Variants in TMEM232 observed in about 807,000 individuals in gnomAD.
The protein encoded by TMEM232 is transmembrane protein 232.
A neutral mutation model predicts 78.8 loss-of-function variants in TMEM232; 80 were observed. The observed-to-expected ratio is 1.01, with a 90% CI of 0.85 to 1.22. TMEM232 has a LOEUF of 1.22. TMEM232 is among the 50% of genes most tolerant of loss of function. The pLI is 0.00. For synonymous variants in TMEM232, 297 were observed against 254.3 expected (o/e 1.17, Z -1.60); for missense variants, 881 against 742.2 (o/e 1.19, Z -2.17).
intron 1 of TMEM232, among the ~76,000 whole-genome samples, chr5:110,682,628 G>C (rs1792893517): frequency 6.6e-6 from 1 of 152,070 alleles, no homozygotes; most frequent in Non-Finnish European, 1.5e-5. Flanking sequence ...AATTATATCA[G>C]ATATGGTTTT....
chr5:110,648,782 G>A (rs534839466), intron 2 of TMEM232, among the ~76,000 whole-genome samples: 3 of 152,146 alleles, frequency 2.0e-5, no homozygotes, highest in East Asian at 3.9e-4. Flanking sequence ...TCTCCTAAAC[G>A]CATGTTCTTT....
chr5:110,704,457 C>A (rs1386937626), intron 1 of TMEM232, among the ~76,000 whole-genome samples: 1 of 152,076 alleles, frequency 6.6e-6, no homozygotes, highest in African/African-American at 2.4e-5. Context: ...ACAGCATTTT[C>A]CAAAATACTG....
chr5:110,631,105 C>G (rs1580429804), intron 5 of TMEM232, among the ~76,000 whole-genome samples: 1 of 152,108 alleles, frequency 6.6e-6, no homozygotes, highest in Non-Finnish European at 1.5e-5. Flanking sequence ...CTGACATTCC[C>G]CAGTGTCTAC....
At chr5:110,588,563 A>G (rs116118226) in intron 10 of TMEM232, among the ~76,000 whole-genome samples, 87 of 152,280 alleles carry the variant, frequency 5.7e-4, no homozygotes, top group Admixed American at 1.6e-3. Context: ...AGGGAAACCA[A>G]TGCAATTATC....
intron 11 of TMEM232, among the ~76,000 whole-genome samples, chr5:110,557,332 T>C (rs1398499599): frequency 1.3e-5 from 2 of 150,460 alleles, no homozygotes; most frequent in Non-Finnish European, 3.0e-5. Flanking sequence ...CTGAATCTTA[T>C]TGATCTCCTT....
At chr5:110,710,818 G>A (rs1055834158) in intron 1 of TMEM232, among the ~76,000 whole-genome samples, 3 of 152,148 alleles carry the variant, frequency 2.0e-5, no homozygotes, top group African/African-American at 7.2e-5. Flanking sequence ...ACTGAATGGG[G>A]AAAAATGGAA....
At chr5:110,677,241 ATT>A (rs78213327) in intron 1 of TMEM232, among the ~76,000 whole-genome samples, 1 of 147,566 alleles carries the variant, frequency 6.8e-6, no homozygotes, top group East Asian at 2.0e-4. Context: ...TAATTGTCTA[ATT>A]TTTTTTTTCT....
At chr5:110,625,594 G>A in intron 6 of TMEM232, 161 bp from the exon 7 acceptor site, 1 of 512,270 alleles carries the variant, frequency 2.0e-6, no homozygotes, top group Non-Finnish European at 3.1e-6. Context: ...CCCCCTGGTG[G>A]TATAATAGAA....
intron 10 of TMEM232, among the ~76,000 whole-genome samples, chr5:110,604,570 G>C (rs1054823391): frequency 6.6e-6 from 1 of 152,048 alleles, no homozygotes; most frequent in East Asian, 1.9e-4. Flanking sequence ...CACCACCCAG[G>C]TTTGCCTAAA....
At chr5:110,666,049 A>G (rs1434973300) in intron 2 of TMEM232, among the ~76,000 whole-genome samples, 1 of 152,160 alleles carries the variant, frequency 6.6e-6, no homozygotes, top group African/African-American at 2.4e-5. Flanking sequence ...TAATCACGCC[A>G]CTGCACTCCA....
intron 1 of TMEM232, among the ~76,000 whole-genome samples, chr5:110,723,076 G>C (rs1272854692): frequency 6.6e-6 from 1 of 152,138 alleles, no homozygotes; most frequent in African/African-American, 2.4e-5. Context: ...GAAACTTGCA[G>C]ATAATTGATA....
At chr5:110,472,633 A>G (rs550871066) in intron 12 of TMEM232, among the ~76,000 whole-genome samples, 5 of 151,936 alleles carry the variant, frequency 3.3e-5, no homozygotes, top group South Asian at 4.1e-4. Flanking sequence ...AATAAACACA[A>G]CAACACAGCT....
chr5:110,700,794 A>ATAGG (rs1795349885), intron 1 of TMEM232, among the ~76,000 whole-genome samples: 1 of 143,388 alleles, frequency 7.0e-6, no homozygotes, highest in South Asian at 2.2e-4. Context: ...AGGTAGATAG[A>ATAGG]TAGATAGATA....
chr5:110,732,657 C>T (rs893869910), intron 2 of TMEM232, among the ~76,000 whole-genome samples: 1 of 152,194 alleles, frequency 6.6e-6, no homozygotes, highest in African/African-American at 2.4e-5. Context: ...CCCCCTGGGT[C>T]CCTCCCACAA....
chr5:110,532,815 C>T (rs1005444448), intron 11 of TMEM232, among the ~76,000 whole-genome samples: 4 of 152,184 alleles, frequency 2.6e-5, no homozygotes, highest in Admixed American at 6.5e-5. Flanking sequence ...ACCCTTACCC[C>T]GCTCAATGCC....
At chr5:110,408,545 C>T (rs532974343) in intron 2 of TMEM232, among the ~76,000 whole-genome samples, 4 of 151,846 alleles carry the variant, frequency 2.6e-5, no homozygotes, top group Non-Finnish European at 5.9e-5. Flanking sequence ...TGAGCCGAGG[C>T]TGTGTCTGCA....
intron 12 of TMEM232, among the ~76,000 whole-genome samples, chr5:110,457,438 G>A (rs984864606): frequency 6.6e-6 from 1 of 152,032 alleles, no homozygotes; most frequent in Non-Finnish European, 1.5e-5. Context: ...AGCAACTTTA[G>A]AAAACAGTTT....
intron 2 of TMEM232, among the ~76,000 whole-genome samples, chr5:110,660,321 A>C (rs1297083533): frequency 2.6e-5 from 4 of 152,128 alleles, no homozygotes; most frequent in Non-Finnish European, 5.9e-5. Flanking sequence ...AATTGCTCAA[A>C]GATAATTTAT....
At chr5:110,669,331 A>G (rs1463403729) in intron 1 of TMEM232, among the ~76,000 whole-genome samples, 2 of 152,226 alleles carry the variant, frequency 1.3e-5, no homozygotes, top group South Asian at 2.1e-4. Flanking sequence ...ACAAACTACC[A>G]TCAGAGAATA....
Sources: gnomAD v4.1 joint callset for allele counts (sites outside exome capture counted in the v4.1 genomes callset) on GRCh38, gnomAD v4.1.1 for gene constraint, MANE v1.5 for transcripts, NCBI Gene and HGNC (gene_info 2026-07-23, HGNC 2026-07-21) for gene names.